TPD52: variants seen among roughly 807,000 people sequenced by gnomAD.
TPD52 encodes the protein tumor protein D52.
In TPD52, 17 loss-of-function variants were observed where a neutral mutation model predicts 31.3. That is an observed-to-expected ratio of 0.54 (90% CI 0.37 to 0.82). The LOEUF (loss-of-function observed/expected upper bound fraction) is 0.82. TPD52 is among the 40% of genes least tolerant of loss of function. The pLI, the probability that TPD52 is intolerant of heterozygous loss-of-function variation, is 0.00. For missense variants in TPD52, 212 were observed against 240.1 expected, an observed-to-expected ratio of 0.88 and a Z score of 0.77; for synonymous variants, 83 against 89.6, an observed-to-expected ratio of 0.93 and a Z score of 0.42.
rs572720734 is a variant in TPD52, at chr8:80,082,769, C to T, written c.20-18176G>A. Among the ~76,000 whole-genome samples, 9 of 152,332 alleles carry T rather than the reference C, an allele frequency of 5.9e-5. No homozygotes were observed. In the South Asian group the frequency reaches 1.7e-3, roughly 28 times the overall value. ...CCAGGGCCTCTCCAGGGCGCTCTACCGGATACCTGCCCTGAAGGTTTGGCT... is the reference window on the plus strand; with the variant it reads ...CCAGGGCCTCTCCAGGGCGCTCTACTGGATACCTGCCCTGAAGGTTTGGCT... On this transcript the variant is annotated intron_variant, in intron 1 of 7. Transcript: ENST00000518937.
intron 1 of TPD52, among the ~76,000 whole-genome samples, chr8:80,126,645 C>A (rs1425300129): frequency 6.6e-6 from 1 of 151,880 alleles, no homozygotes; most frequent in Admixed American, 6.6e-5. Flanking sequence ...CCATGCCTAG[C>A]CAATTTTTGT....
rs140252696 is a variant in TPD52 at position 80,125,044 on chromosome 8, T to A, written c.19+46381A>T. 2.7e-4 allele frequency among the ~76,000 whole-genome samples: 41 copies of A among 152,316 alleles called. 2 individuals carry two copies. In the East Asian group the frequency reaches 7.7e-3, roughly 29 times the overall value. ...CTTTTTTTAAAGCTTCCCTGATGAT[T>A]CTAATGTACAAGTGAGTTAAGAAAC... On this transcript the variant is annotated intron_variant, in intron 1 of 7. Coordinates refer to ENST00000518937, the MANE Select transcript of TPD52 (RefSeq NM_001025253.3).
At chr8:80,064,251 A>G (rs1023914276) in intron 2 of TPD52, among the ~76,000 whole-genome samples, 2 of 152,096 alleles carry the variant, frequency 1.3e-5, no homozygotes, top group African/African-American at 4.8e-5. Context: ...TTCACACTCT[A>G]CTTTTCACAT....
chr8:80,058,943 G>A (rs904411234), intron 2 of TPD52, among the ~76,000 whole-genome samples: 2 of 152,140 alleles, frequency 1.3e-5, no homozygotes, highest in African/African-American at 4.8e-5. Flanking sequence ...GAGACGACTT[G>A]AACAATACCA....
At chr8:80,171,361 CCAAAGCCCGAGT>C in intron 1 of TPD52, 52 bp downstream of exon 1, 2 of 1,584,468 alleles carry the variant, frequency 1.3e-6, no homozygotes, top group South Asian at 1.1e-5. Context: ...CCGCGCCGAG[CCAAAGCCCGAGT>C]CCAAGCCCGA....
chr8:80,167,596 G>A (rs1382983308), intron 1 of TPD52, among the ~76,000 whole-genome samples: 1 of 152,198 alleles, frequency 6.6e-6, no homozygotes, highest in African/African-American at 2.4e-5. Context: ...GTCACACCCA[G>A]AGACTTGGGA....
At chr8:80,049,275 G>A (rs2130494922) in intron 5 of TPD52, among the ~76,000 whole-genome samples, 1 of 152,208 alleles carries the variant, frequency 6.6e-6, no homozygotes, top group African/African-American at 2.4e-5. Flanking sequence ...CGTTCTTTAT[G>A]GTTATGCCCA....
At chr8:80,150,982 T>C (rs567881029) in intron 1 of TPD52, among the ~76,000 whole-genome samples, 27 of 152,314 alleles carry the variant, frequency 1.8e-4, no homozygotes, top group Middle Eastern at 3.4e-3. Context: ...AGGTATGGTT[T>C]GGCTGTGTCC....
chr8:80,159,770 C>G (rs1586421012), intron 1 of TPD52, among the ~76,000 whole-genome samples: 1 of 152,352 alleles, frequency 6.6e-6, no homozygotes, highest in East Asian at 1.9e-4. Flanking sequence ...AAAACCCCAG[C>G]TGGAAAACTT....
chr8:80,032,739 A>C (rs1809723924), downstream of TPD52: 3 of 152,290 alleles, frequency 2.0e-5, no homozygotes, highest in Non-Finnish European at 1.5e-5. Flanking sequence ...GGAGGTGACC[A>C]TGAGTTTACT....
chr8:80,072,868 C>G (rs916134495), intron 1 of TPD52, among the ~76,000 whole-genome samples: 1 of 151,322 alleles, frequency 6.6e-6, no homozygotes, highest in African/African-American at 2.4e-5. Context: ...TTTGGGAGGC[C>G]GAGGCAGGTG....
At chr8:80,125,933 T>G (rs973531272) in intron 1 of TPD52, among the ~76,000 whole-genome samples, 2 of 152,212 alleles carry the variant, frequency 1.3e-5, no homozygotes, top group Non-Finnish European at 2.9e-5. Flanking sequence ...TAAGTGAGTA[T>G]GTGAGGAGGA....
At position 80,053,262 on chromosome 8, in the gene TPD52, G is replaced by A; in HGVS notation, c.284+20C>T. ...TGTCCTTTACACTCCCAAGGAAAGT[G>A]TATGATCAAGGAAACATACGCAGAT... is the stretch of plus-strand genomic sequence containing the variant. On this transcript the variant is annotated intron_variant, in intron 3 of 7. Transcript: ENST00000518937. The A allele has an allele frequency of 6.2e-7, 1 of 1,612,052 alleles. No individual in the cohort carries two copies.
chr8:80,107,014 G>A (rs2130959439), intron 1 of TPD52, among the ~76,000 whole-genome samples: 1 of 152,012 alleles, frequency 6.6e-6, no homozygotes, highest in African/African-American at 2.4e-5. Flanking sequence ...ACCACACCCA[G>A]CTAATTTTTT....
rs190985452 is a variant in TPD52, at chr8:80,165,943, G to A, written c.19+5482C>T. ...GGCAAAATGTAAATGTTCATCAACA[G>A]GGAACAAGTTAAATATTGTCTATAA... On this transcript the variant is annotated intron_variant, in intron 1 of 7. Transcript: ENST00000518937. Among the ~76,000 whole-genome samples, 1,232 of 152,214 alleles carry A rather than the reference G, an allele frequency of 8.1e-3. 8 individuals carry two copies. The highest frequency in any genetic ancestry group is 0.017 in the Middle Eastern group (5 of 294).
chr8:80,080,785 C>A (rs1015371214), intron 1 of TPD52: 15 of 1,025,576 alleles, frequency 1.5e-5, no homozygotes, highest in Middle Eastern at 4.7e-4. Context: ...CAGGGTTCTG[C>A]AATATGGCCC....
chr8:80,077,274 C>CAA (rs368480127), intron 1 of TPD52, among the ~76,000 whole-genome samples: 11 of 116,380 alleles, frequency 9.5e-5, no homozygotes, highest in African/African-American at 3.4e-4. Context: ...GACTCTGTCT[C>CAA]AAAAAAAAAA....
chr8:80,164,917 A>C (rs922752244), intron 1 of TPD52, among the ~76,000 whole-genome samples: 2 of 150,186 alleles, frequency 1.3e-5, no homozygotes, highest in Non-Finnish European at 3.0e-5. Flanking sequence ...AAAAAAAAAA[A>C]AAAAAAAAAA....
chr8:80,042,858 T>G (rs1810514785), intron 6 of TPD52, 190 bp from the exon 7 acceptor site: 2 of 489,544 alleles, frequency 4.1e-6, no homozygotes, highest in East Asian at 6.5e-5. Flanking sequence ...GATCTAATAT[T>G]TTAAGAGTAT....
Sources: gnomAD v4.1 joint callset for allele counts (sites outside exome capture counted in the v4.1 genomes callset) on GRCh38, gnomAD v4.1.1 for gene constraint, MANE v1.5 for transcripts, NCBI Gene and HGNC (gene_info 2026-07-23, HGNC 2026-07-21) for gene names.